Variants in SMIM13 observed in about 807,000 individuals in gnomAD.
SMIM13 encodes small integral membrane protein 13, also known as UPF0766 protein C6orf228.
SMIM13 carries 3 observed loss-of-function variants against 5.9 expected under a neutral mutation model. The ratio of observed to expected loss-of-function variants is 0.51; its 90% CI spans 0.23 to 1.31. The LOEUF (loss-of-function observed/expected upper bound fraction) is 1.31, where lower values mean the gene tolerates loss of function less well. Ranked by LOEUF, SMIM13 falls within the 40% of genes most tolerant of loss-of-function variation. The probability of loss-of-function intolerance (pLI) is 0.18; values close to 1 mark genes in which losing one functional copy is unlikely to be tolerated. For synonymous variants in SMIM13, 55 were observed against 46.0 expected (o/e 1.19, Z -0.79); for missense variants, 85 against 109.9 (o/e 0.77, Z 1.01).
chr6:11,103,743 T>C, intron 1 of SMIM13: 1 of 1,551,644 alleles, frequency 6.4e-7, no homozygotes, highest in Non-Finnish European at 8.7e-7. Context: ...TGCACTGAGA[T>C]TCGTCTGGAG....
chr6:11,103,054 A>G (rs1276196131), intron 1 of SMIM13: 3 of 152,166 alleles, frequency 2.0e-5, no homozygotes, highest in Non-Finnish European at 4.4e-5. Context: ...GGCTGTCTGC[A>G]TGCACAGTGG....
At position 11,137,338 on chromosome 6, in the gene SMIM13, A is replaced by T. The variant is rs1001682193; in HGVS notation, c.*2736A>T. 3.3e-5 allele frequency: 5 copies of T among 152,124 alleles called. No individual in the cohort carries two copies. Among genetic ancestry groups the T allele is most frequent in the East Asian group, 1.9e-4 (1 of 5,198 alleles). The allele number at this position is 152,124 out of a possible 1,614,324, so 9.4% of individuals were successfully genotyped here. ...CACTTACCATGGTACATATTTCTTA[A>T]TGCCACTAAGAAAGGCAAGATAGTG... is the stretch of plus-strand genomic sequence containing the variant. On this transcript the variant is annotated 3_prime_UTR_variant, in exon 2 of 2. Coordinates refer to ENST00000416247, the MANE Select transcript of SMIM13 (RefSeq NM_001135575.2).
intron 1 of SMIM13, among the ~76,000 whole-genome samples, chr6:11,114,127 G>A (rs529330256): frequency 3.4e-4 from 52 of 151,476 alleles, no homozygotes; most frequent in Admixed American, 1.3e-3. Flanking sequence ...TTACAGGTGC[G>A]CGCCACCACG....
At chr6:11,129,080 G>T (rs1050955304) in intron 1 of SMIM13, among the ~76,000 whole-genome samples, 1 of 104,788 alleles carries the variant, frequency 9.5e-6, no homozygotes, top group Non-Finnish European at 2.3e-5. Context: ...ACCGGGAGCG[G>T]GGGGGGGATG....
intron 1 of SMIM13, among the ~76,000 whole-genome samples, chr6:11,101,792 T>C (rs1757996367): frequency 1.3e-5 from 2 of 149,978 alleles, no homozygotes; most frequent in Admixed American, 1.3e-4. Context: ...CAGACTGGAG[T>C]GGAGTGGCAC....
Position 11,103,459 on chromosome 6 carries a change from C to G in SMIM13, c.76+9070C>G, listed in dbSNP as rs373330106. ...GCTACCTGCTCCAACATTTCCCCCCCTCAAGAGTCCAAGACCCAATTATCT... is the reference window on the plus strand; with the variant it reads ...GCTACCTGCTCCAACATTTCCCCCCGTCAAGAGTCCAAGACCCAATTATCT... On this transcript the variant is annotated intron_variant, in intron 1 of 1. Coordinates refer to ENST00000416247, the MANE Select transcript of SMIM13 (RefSeq NM_001135575.2). 6.5e-5 allele frequency: 36 copies of G among 551,092 alleles called. 1 individual carries two copies. Among genetic ancestry groups the G allele is most frequent in the South Asian group, 3.5e-4 (8 of 22,728 alleles). 34.1% of individuals were successfully genotyped at this position (551,092 alleles called of 1,614,324 possible). A position where few individuals can be genotyped will look rare whatever the true frequency, so the allele number is the denominator to read the frequency against.
intron 1 of SMIM13, among the ~76,000 whole-genome samples, chr6:11,122,415 C>T (rs777604794): frequency 3.1e-4 from 47 of 152,216 alleles, no homozygotes; most frequent in Non-Finnish European, 6.2e-4. Flanking sequence ...TCTTGTGACC[C>T]TACCTTGCTC....
At chr6:11,095,952 G>C (rs537478938) in intron 1 of SMIM13, among the ~76,000 whole-genome samples, 1 of 152,166 alleles carries the variant, frequency 6.6e-6, no homozygotes, top group Non-Finnish European at 1.5e-5. Flanking sequence ...AATGTGACAC[G>C]TAGACCCTAC....
At chr6:11,121,625 T>C (rs1758310916) in intron 1 of SMIM13, among the ~76,000 whole-genome samples, 1 of 152,206 alleles carries the variant, frequency 6.6e-6, no homozygotes, top group South Asian at 2.1e-4. Flanking sequence ...GGTGCTCTCT[T>C]ACCAATATCA....
chr6:11,118,364 T>C (rs59335805), intron 1 of SMIM13, among the ~76,000 whole-genome samples: 38 of 152,302 alleles, frequency 2.5e-4, no homozygotes, highest in African/African-American at 8.4e-4. Flanking sequence ...AGAGCAGACA[T>C]TGAGCTCTGT....
intron 1 of SMIM13, among the ~76,000 whole-genome samples, chr6:11,101,130 C>T (rs1359976154): frequency 4.0e-5 from 6 of 149,954 alleles, no homozygotes; most frequent in African/African-American, 1.5e-4. Flanking sequence ...TCTCCTAATT[C>T]CCTCCTCCCC....
chr6:11,097,668 CAAAA>C (rs34556394), intron 1 of SMIM13, among the ~76,000 whole-genome samples: 1 of 109,904 alleles, frequency 9.1e-6, no homozygotes, highest in Non-Finnish European at 2.0e-5. Context: ...AACTCCGTTT[CAAAA>C]AAAAAAAAAA....
intron 1 of SMIM13, among the ~76,000 whole-genome samples, chr6:11,117,163 G>GTTTTTTTTTTTTTTTTTTTTTTT (rs1561756941): frequency 9.9e-6 from 1 of 100,636 alleles, no homozygotes; most frequent in African/African-American, 4.1e-5. Context: ...GCTAATTTTT[G>GTTTTTTTTTTTTTTTTTTTTTTT]TATTTTTTTT....
At chr6:11,109,436 C>T (rs7762961) in intron 1 of SMIM13, among the ~76,000 whole-genome samples, 28,795 of 151,932 alleles carry the variant, frequency 0.19, 3,097 homozygotes, top group African/African-American at 0.29. Context: ...TGGGAGACTT[C>T]GATATAATTG....
intron 1 of SMIM13, among the ~76,000 whole-genome samples, chr6:11,129,649 T>C (rs1413764607): frequency 6.6e-6 from 1 of 152,190 alleles, no homozygotes; most frequent in African/African-American, 2.4e-5. Flanking sequence ...TACATGGATT[T>C]ATTTCTGGAT....
chr6:11,132,996 T>C lies in SMIM13; in HGVS notation c.77-1407T>C, dbSNP rs1211127059. 2.6e-5 allele frequency among the ~76,000 whole-genome samples: 4 copies of C among 152,308 alleles called. No individual in the cohort carries two copies. The East Asian group carries it at 5.8e-4, about 22-fold the overall frequency. On this transcript the variant is annotated intron_variant, in intron 1 of 1. Transcript: ENST00000416247. ...CCCACTGCCTATGGACAACCACAAC[T>C]GACATCAATTGAGCATTTTAGAAAA... is the stretch of plus-strand genomic sequence containing the variant.
At chr6:11,102,238 A>G (rs1037887108) in intron 1 of SMIM13, among the ~76,000 whole-genome samples, 2 of 152,250 alleles carry the variant, frequency 1.3e-5, no homozygotes, top group African/African-American at 4.8e-5. Flanking sequence ...GGATGGCTTC[A>G]GTACAGGTGG....
At chr6:11,100,282 G>A (rs570826852) in intron 1 of SMIM13, among the ~76,000 whole-genome samples, 6 of 152,126 alleles carry the variant, frequency 3.9e-5, no homozygotes, top group South Asian at 2.1e-4. Context: ...GGATGGTCTC[G>A]ATCTGCTGAC....
intron 1 of SMIM13, among the ~76,000 whole-genome samples, chr6:11,133,802 G>A (rs1023332714): frequency 1.4e-4 from 21 of 149,328 alleles, no homozygotes; most frequent in African/African-American, 4.9e-4. Flanking sequence ...TGAAAATATC[G>A]TATTTTAAAA....
Sources: gnomAD v4.1 joint callset for allele counts (sites outside exome capture counted in the v4.1 genomes callset) on GRCh38, gnomAD v4.1.1 for gene constraint, MANE v1.5 for transcripts, NCBI Gene and HGNC (gene_info 2026-07-23, HGNC 2026-07-21) for gene names.